RBFOX3: variants seen among roughly 807,000 people sequenced by gnomAD.
RBFOX3 encodes the protein RNA binding protein fox-1 homolog 3.
In RBFOX3, 17 loss-of-function variants were observed where a neutral mutation model predicts 48.7. That is an observed-to-expected ratio of 0.35 (90% CI 0.24 to 0.52). The LOEUF is 0.52. RBFOX3 is among the 20% of genes least tolerant of loss of function. RBFOX3 has a pLI of 0.94. For missense variants in RBFOX3, 382 were observed against 497.5 expected, an observed-to-expected ratio of 0.77 and a Z score of 2.21; for synonymous variants, 212 against 209.5, an observed-to-expected ratio of 1.01 and a Z score of -0.10.
At chr17:79,110,213 A>G (rs2030524332) in intron 5 of RBFOX3, among the ~76,000 whole-genome samples, 1 of 151,028 alleles carries the variant, frequency 6.6e-6, no homozygotes, top group South Asian at 2.1e-4. Context: ...TTCCCTCCCG[A>G]CTGGGCTGGG....
In RBFOX3 at chr17:79,373,919, C is replaced by T. The variant is rs548842886; in HGVS notation, c.-174-66095G>A. Among the ~76,000 whole-genome samples, 14 of 152,182 alleles carry T rather than the reference C, an allele frequency of 9.2e-5. No homozygotes were observed. The South Asian group carries it at 2.1e-3, about 23-fold the overall frequency. On this transcript the variant is annotated intron_variant, in intron 2 of 14. Coordinates refer to ENST00000693108, the MANE Select transcript of RBFOX3 (RefSeq NM_001350451.2). ...TGTCGCCCAGGCTGGTGTGCAGTGG[C>T]GCGATCTCGGCTCACTGCAACTTCC...
At chr17:79,494,118 A>T (rs1759051948) in intron 1 of RBFOX3, among the ~76,000 whole-genome samples, 1 of 152,210 alleles carries the variant, frequency 6.6e-6, no homozygotes, top group African/African-American at 2.4e-5. Context: ...TCTCATAAAT[A>T]AATAAATAGT....
intron 3 of RBFOX3, among the ~76,000 whole-genome samples, chr17:79,290,723 A>T (rs80355481): frequency 0.077 from 11,706 of 152,266 alleles, 583 homozygotes; most frequent in East Asian, 0.2. Context: ...GACAAGGCAG[A>T]CGGACAGGCA....
chr17:79,630,186 G>A, the RBFOX3 span, among the ~76,000 whole-genome samples: 187 of 152,292 alleles, frequency 1.2e-3, no homozygotes, highest in Admixed American at 3.5e-3. Flanking sequence ...GTGGGGGTCC[G>A]CCTGTAGGGT....
intron 1 of RBFOX3, among the ~76,000 whole-genome samples, chr17:79,586,060 A>G (rs1416790032): frequency 6.6e-6 from 1 of 152,192 alleles, no homozygotes; most frequent in Non-Finnish European, 1.5e-5. Context: ...AGATGCCCCA[A>G]CTGTTCACAT....
intron 1 of RBFOX3, among the ~76,000 whole-genome samples, chr17:79,553,915 G>A (rs2091380364): frequency 6.6e-6 from 1 of 152,038 alleles, no homozygotes; most frequent in Non-Finnish European, 1.5e-5. Flanking sequence ...TGTATTTTTA[G>A]TAGAGATAGG....
chr17:79,519,515 C>T, intron 1 of RBFOX3, among the ~76,000 whole-genome samples: 1 of 152,178 alleles, frequency 6.6e-6, no homozygotes, highest in African/African-American at 2.4e-5. Flanking sequence ...GGAGACGGCT[C>T]CCCACCCATC....
chr17:79,281,317 G>A (rs1161121802), intron 3 of RBFOX3, among the ~76,000 whole-genome samples: 1 of 152,062 alleles, frequency 6.6e-6, no homozygotes, highest in East Asian at 1.9e-4. Flanking sequence ...CAAATGCCTT[G>A]GGGCTGGAAG....
intron 3 of RBFOX3, among the ~76,000 whole-genome samples, chr17:79,296,289 G>GACAC (rs34588150): frequency 6.8e-6 from 1 of 146,358 alleles, no homozygotes; most frequent in Non-Finnish European, 1.5e-5. Flanking sequence ...GGCACAAACA[G>GACAC]ACACACACAC....
chr17:79,279,911 G>A (rs1052633887), intron 3 of RBFOX3, among the ~76,000 whole-genome samples: 4 of 152,168 alleles, frequency 2.6e-5, no homozygotes, highest in Admixed American at 2.0e-4. Flanking sequence ...CACCAGAGAG[G>A]TGAGGCACAG....
intron 4 of RBFOX3, chr17:79,234,752 A>G (rs1163826064): frequency 1.1e-4 from 6 of 55,690 alleles, no homozygotes; most frequent in South Asian, 5.0e-4. Flanking sequence ...TTTTTTTTTG[A>G]GATGGAGTCT....
At chr17:79,148,008 G>T (rs375156181) in intron 4 of RBFOX3, among the ~76,000 whole-genome samples, 1 of 151,708 alleles carries the variant, frequency 6.6e-6, no homozygotes, top group Non-Finnish European at 1.5e-5. Context: ...CGCCGCTGCC[G>T]TGGGGCCCCG....
chr17:79,533,753 C>T (rs1180833662), intron 1 of RBFOX3, among the ~76,000 whole-genome samples: 1 of 152,140 alleles, frequency 6.6e-6, no homozygotes, highest in Non-Finnish European at 1.5e-5. Flanking sequence ...TAGAAAGATC[C>T]GTGGTATCAC....
chr17:79,193,157 C>A (rs1290008290), intron 4 of RBFOX3, among the ~76,000 whole-genome samples: 3 of 152,202 alleles, frequency 2.0e-5, no homozygotes, highest in Admixed American at 2.0e-4. Flanking sequence ...GCATGGCTGC[C>A]GTTTCCTCCA....
At position 79,171,755 on chromosome 17, in the gene RBFOX3, C is replaced by T. The variant is rs1169812984; in HGVS notation, c.-33-56007G>A. Among the ~76,000 whole-genome samples the T allele has an allele frequency of 2.7e-5, 4 of 146,264 alleles. No homozygotes were observed. In the East Asian group the frequency reaches 7.8e-4, roughly 28 times the overall value. Reference sequence around the variant, plus strand: ...GGGATTACATGTGTGAGCTCAAACTCTTGGGCTCAAGTGATCCTCCCAACT... The same window carrying T: ...GGGATTACATGTGTGAGCTCAAACTTTTGGGCTCAAGTGATCCTCCCAACT... On this transcript the variant is annotated intron_variant, in intron 4 of 14. Coordinates refer to ENST00000693108, the MANE Select transcript of RBFOX3 (RefSeq NM_001350451.2).
At chr17:79,261,940 G>T (rs971675590) in intron 3 of RBFOX3, among the ~76,000 whole-genome samples, 1 of 152,192 alleles carries the variant, frequency 6.6e-6, no homozygotes, top group African/African-American at 2.4e-5. Flanking sequence ...TGTGGAGGGG[G>T]GAGGCGTACG....
chr17:79,155,363 T>G (rs545575077), intron 4 of RBFOX3, among the ~76,000 whole-genome samples: 93 of 152,218 alleles, frequency 6.1e-4, no homozygotes, highest in African/African-American at 2.1e-3. Context: ...ACAGTGGAGC[T>G]GGGCACTGCC....
rs910809425 is a variant in RBFOX3 at position 79,493,721 on chromosome 17, T to C, written c.-319-11123A>G. ...GAAATATCTGTTTCATTCACTACCA[T>C]AAACCAAGTGCATGATATATCCTAG... On this transcript the variant is annotated intron_variant, in intron 1 of 14. Transcript: ENST00000693108. Among the ~76,000 whole-genome samples the C allele has an allele frequency of 2.2e-4, 34 of 152,212 alleles. 1 individual carries two copies. The highest frequency in any genetic ancestry group is 4.6e-4 in the Non-Finnish European group (31 of 68,044).
At chr17:79,611,192 TCTCTCTCTCTCTCTCTCTCTCG>T (rs2093966160), upstream of RBFOX3, among the ~76,000 whole-genome samples, 2 of 117,072 alleles carry the variant, frequency 1.7e-5, no homozygotes, top group African/African-American at 6.5e-5. Flanking sequence ...CTTCTCTCTC[TCTCTCTCTCTCTCTCTCTCTCG>T]TTCCTCTGGC....
Sources: allele counts gnomAD v4.1 joint callset (sites outside exome capture counted in the v4.1 genomes callset), GRCh38; gene constraint gnomAD v4.1.1; transcripts MANE v1.5; gene names NCBI Gene and HGNC (gene_info 2026-07-23, HGNC 2026-07-21).